BAHCC1: variants seen among roughly 807,000 people sequenced by gnomAD.
The protein encoded by BAHCC1 is BAH and coiled-coil domain-containing protein 1.
Under a neutral mutation model 88.2 loss-of-function variants are expected in BAHCC1, and 43 were observed. The observed-to-expected ratio is 0.49, with a 90% CI of 0.38 to 0.63. The LOEUF is 0.63. Ranked by LOEUF, BAHCC1 falls within the 20% of genes least tolerant of loss-of-function variation. The probability of loss-of-function intolerance (pLI) is 0.00; values close to 1 mark genes in which losing one functional copy is unlikely to be tolerated. For synonymous variants in BAHCC1, 1,510 were observed against 745.5 expected, an observed-to-expected ratio of 2.03 and a Z score of -16.71; for missense variants, 3,023 against 1,654.8, an observed-to-expected ratio of 1.83 and a Z score of -14.34.
intron 16 of BAHCC1, among the ~76,000 whole-genome samples, chr17:81,457,179 G>C (rs1437925040): frequency 6.6e-6 from 1 of 152,132 alleles, no homozygotes; most frequent in Admixed American, 6.5e-5. Flanking sequence ...CTATTGCCCA[G>C]GGTATAAGAA....
At chr17:81,403,771 A>G (rs1192354900) in intron 2 of BAHCC1, among the ~76,000 whole-genome samples, 1 of 152,234 alleles carries the variant, frequency 6.6e-6, no homozygotes, top group Non-Finnish European at 1.5e-5. Context: ...ACAGAGTTAG[A>G]CATCAAAGTT....
chr17:81,431,974 C>A (rs1293229437), intron 3 of BAHCC1, among the ~76,000 whole-genome samples: 3 of 152,196 alleles, frequency 2.0e-5, no homozygotes, highest in African/African-American at 7.2e-5. Flanking sequence ...GTGGCAGATG[C>A]GGCATGGGCC....
chr17:81,399,946 A>C lies in BAHCC1; in HGVS notation c.178+29A>C, dbSNP rs2063792974. ...AGTGCTCGGCCGGGGCGGGCGCGGG[A>C]CGGGAGCGTTCGAGAGCGGAACAGG... On this transcript the variant is annotated intron_variant, in intron 2 of 27. Coordinates refer to ENST00000675386, the MANE Select transcript of BAHCC1 (RefSeq NM_001377448.1). This position sits in a 1 kb window ranked among gnomAD's most constrained non-coding sequence, Gnocchi z 4.5. 1 of 1,296,544 alleles carries C rather than the reference A, an allele frequency of 7.7e-7. No individual in the cohort carries two copies. Among genetic ancestry groups the C allele is most frequent in the Non-Finnish European group, 9.9e-7 (1 of 1,011,900 alleles). The allele number at this position is 1,296,544 out of a possible 1,614,324, so 80.3% of individuals were successfully genotyped here.
chr17:81,465,654 C>T lies in BAHCC1; in HGVS notation c.*1837C>T, dbSNP rs914187965. On this transcript the variant is annotated 3_prime_UTR_variant, in exon 28 of 28. Transcript: ENST00000675386. ...GCTGGTGGGTGCCCTGTACCCCAATCCCAGGTCCCCTTGGCCCCCTATTTT... is the reference window on the plus strand; with the variant it reads ...GCTGGTGGGTGCCCTGTACCCCAATTCCAGGTCCCCTTGGCCCCCTATTTT... The T allele has an allele frequency of 2.6e-5, 4 of 152,318 alleles. No individual in the cohort carries two copies. The highest frequency in any genetic ancestry group is 6.5e-5 in the Admixed American group (1 of 15,294). 9.4% of individuals were successfully genotyped at this position (152,318 alleles called of 1,614,324 possible). A position where few individuals can be genotyped will look rare whatever the true frequency, so the allele number is the denominator to read the frequency against.
rs782010573 is a variant in BAHCC1, at chr17:81,463,649, C to T, written c.7659C>T (p.Asp2553=). 4 of 779,694 alleles carry T rather than the reference C, an allele frequency of 5.1e-6. No individual in the cohort carries two copies. Among genetic ancestry groups the T allele is most frequent in the East Asian group, 2.4e-5 (1 of 41,256 alleles). The allele number at this position is 779,694 out of a possible 1,614,324, so 48.3% of individuals were successfully genotyped here. The change falls in exon 28 of 28, where the codon GAC becomes GAT. Residue 2553 remains aspartate (D), a synonymous_variant. Transcript: ENST00000675386. ...AGTCCTGCCACGAGGATGAGAACGACGTGCAGACCATCTCCCACAAGTGCC... is the reference window on the plus strand; with the variant it reads ...AGTCCTGCCACGAGGATGAGAACGATGTGCAGACCATCTCCCACAAGTGCC... The part of the protein sequence containing the change: ...LYQSCHEDEN[D]VQTISHKCQV...
At position 81,399,931 on chromosome 17, in the gene BAHCC1, C is replaced by CGGGGCG; in HGVS notation, c.178+17_178+22dup. On this transcript the variant is annotated intron_variant, in intron 2 of 27. Transcript: ENST00000675386. The surrounding 1 kb of genome is among the most constrained non-coding windows in gnomAD (Gnocchi z 4.5). ...CTTCGCACACAGGTCAGTGCTCGGC[C>CGGGGCG]GGGGCGGGCGCGGGACGGGAGCGTT... 2.2e-6 allele frequency: 3 copies of CGGGGCG among 1,353,232 alleles called. No homozygotes were observed. Among genetic ancestry groups the CGGGGCG allele is most frequent in the Non-Finnish European group, 2.9e-6 (3 of 1,050,474 alleles). The allele number at this position is 1,353,232 out of a possible 1,614,324, so 83.8% of individuals were successfully genotyped here.
chr17:81,459,342 C>T lies in BAHCC1; in HGVS notation c.5796+14C>T, dbSNP rs199926462. The T allele has an allele frequency of 1.1e-3, 854 of 775,020 alleles. 8 individuals are homozygous for T. In the African/African-American group the frequency reaches 0.012, roughly 11 times the overall value. The allele number at this position is 775,020 out of a possible 1,614,324, so 48.0% of individuals were successfully genotyped here. ...CTGCAGGAAGCGGTGAGGACCGGGC[C>T]GGCCCGCCCCGGGGAGGGGCCTGGC... On this transcript the variant is annotated intron_variant, in intron 22 of 27. Coordinates refer to ENST00000675386, the MANE Select transcript of BAHCC1 (RefSeq NM_001377448.1).
At chr17:81,402,360 A>G (rs1166841854) in intron 2 of BAHCC1, 1 of 152,210 alleles carries the variant, frequency 6.6e-6, no homozygotes, top group Non-Finnish European at 1.5e-5. Context: ...ATTTAGCTGC[A>G]TGTATTTTTT....
At chr17:81,418,562 T>A (rs1322250142) in intron 2 of BAHCC1, among the ~76,000 whole-genome samples, 1 of 152,122 alleles carries the variant, frequency 6.6e-6, no homozygotes, top group Non-Finnish European at 1.5e-5. Context: ...GGGCAGCTGT[T>A]CATCCCGGTG....
At position 81,442,513 on chromosome 17, in the gene BAHCC1, G is replaced by T; in HGVS notation, c.1164G>T (p.Lys388Asn). The change falls in exon 5 of 28, where the codon AAG (lysine) becomes AAT (asparagine). Residue 388 changes from lysine to asparagine, a missense_variant. By Grantham distance (94) the Lys-to-Asn change is moderately conservative. Coordinates refer to ENST00000675386, the MANE Select transcript of BAHCC1 (RefSeq NM_001377448.1). Reference sequence around the variant, plus strand: ...AGGACAAAGCCCCCCGGGACCTAAAGGCCAGCGGGCCCACCTTCGTGCCTT... The same window carrying T: ...AGGACAAAGCCCCCCGGGACCTAAATGCCAGCGGGCCCACCTTCGTGCCTT... The part of the protein sequence containing the change: ...PLQDKAPRDL[K>N]ASGPTFVPSV... The T allele has an allele frequency of 1.4e-6, 1 of 721,972 alleles. No homozygotes were observed. Among genetic ancestry groups the T allele is most frequent in the East Asian group, 2.5e-5 (1 of 39,736 alleles). The allele number at this position is 721,972 out of a possible 1,614,324, so 44.7% of individuals were successfully genotyped here. A position where few individuals can be genotyped will look rare whatever the true frequency, so the allele number is the denominator to read the frequency against.
chr17:81,464,155 C>G lies in BAHCC1; in HGVS notation c.*338C>G. 2.5e-6 allele frequency: 1 copy of G among 392,496 alleles called. No homozygotes were observed. Among genetic ancestry groups the G allele is most frequent in the Non-Finnish European group, 4.7e-6 (1 of 212,790 alleles). The allele number at this position is 392,496 out of a possible 1,614,324, so 24.3% of individuals were successfully genotyped here. On this transcript the variant is annotated 3_prime_UTR_variant, in exon 28 of 28. Coordinates refer to ENST00000675386, the MANE Select transcript of BAHCC1 (RefSeq NM_001377448.1). ...CATATTCCCTAGTACCTCCGACTGT[C>G]TCCCACCAGGGAAAGCAGAAATCAG...
At chr17:81,407,019 C>A (rs533871670) in intron 2 of BAHCC1, 189 of 455,562 alleles carry the variant, frequency 4.1e-4, no homozygotes, top group South Asian at 2.3e-3. Context: ...CCCTTCTCTC[C>A]CCTAGGATCC....
chr17:81,444,110 C>A (rs2064476700), intron 6 of BAHCC1, 193 bp downstream of exon 6: 2 of 604,630 alleles, frequency 3.3e-6, no homozygotes, highest in African/African-American at 1.9e-5. Context: ...CAGTTAACCC[C>A]TTGCAGCGGT....
chr17:81,419,492 TGTG>T, intron 2 of BAHCC1, among the ~76,000 whole-genome samples: 1 of 152,092 alleles, frequency 6.6e-6, no homozygotes, highest in African/African-American at 2.4e-5. Context: ...TCGTGGGAAG[TGTG>T]CTTGGGACCG....
chr17:81,432,450 G>A (rs1444725449), intron 3 of BAHCC1, among the ~76,000 whole-genome samples: 8 of 152,094 alleles, frequency 5.3e-5, no homozygotes, highest in Middle Eastern at 3.4e-3. Context: ...TTTGGGGGTC[G>A]TGTGGTTGCT....
In BAHCC1 at chr17:81,458,310, G is replaced by T. The variant is rs561265856; in HGVS notation, c.5187G>T (p.Lys1729Asn). Residue 1729 changes from lysine to asparagine, a missense_variant, in exon 18 of 28, where the codon AAG becomes AAT. Transcript: ENST00000675386. ...AGAAGAAAGCCAAGGGCAAGGCCAA[G>T]GGCAGCCTGCGGGCAGAGCCGGGGG... Reference protein sequence around the residue: ...LGKKKAKGKAKGSLRAEPGAT... With the variant: ...LGKKKAKGKANGSLRAEPGAT... The T allele has an allele frequency of 2.7e-6, 2 of 750,510 alleles. No individual in the cohort carries two copies. The highest frequency in any genetic ancestry group is 2.5e-5 in the East Asian group (1 of 39,788). The allele number at this position is 750,510 out of a possible 1,614,324, so 46.5% of individuals were successfully genotyped here.
At chr17:81,419,451 CCGTCCTG>C (rs1418228952) in intron 2 of BAHCC1, among the ~76,000 whole-genome samples, 2 of 152,266 alleles carry the variant, frequency 1.3e-5, no homozygotes, top group Admixed American at 6.5e-5. Context: ...GCCTCCCCTC[CCGTCCTG>C]CACAGCTCCC....
At position 81,435,957 on chromosome 17, in the gene BAHCC1, T is replaced by C. The variant is rs2064329895; in HGVS notation, c.359-2413T>C. On this transcript the variant is annotated intron_variant, in intron 3 of 27. Transcript: ENST00000675386. This position sits in a 1 kb window ranked among gnomAD's most constrained non-coding sequence, Gnocchi z 4.4. ...ATTTTCTTTCTCAGTTTTGAGAGTA[T>C]GGTCTTATTGGGAAAAAGAAAGGGG... Among the ~76,000 whole-genome samples, 1 of 152,208 alleles carries C rather than the reference T, an allele frequency of 6.6e-6. No individual in the cohort carries two copies. Among genetic ancestry groups the C allele is most frequent in the Non-Finnish European group, 1.5e-5 (1 of 68,034 alleles).
rs782421960 is a variant in BAHCC1 at position 81,452,052 on chromosome 17, C to T, written c.4261C>T (p.Arg1421Cys). 17 of 626,506 alleles carry T rather than the reference C, an allele frequency of 2.7e-5. No homozygotes were observed. The highest frequency in any genetic ancestry group is 3.7e-5 in the Non-Finnish European group (13 of 356,128). The allele number at this position is 626,506 out of a possible 1,614,324, so 38.8% of individuals were successfully genotyped here. The change falls in exon 13 of 28, where the codon CGC becomes TGC. Residue 1421 changes from arginine to cysteine, a missense_variant. Physicochemically the swap from Arg to Cys is radical, Grantham distance 180. Coordinates refer to ENST00000675386, the MANE Select transcript of BAHCC1 (RefSeq NM_001377448.1). ...CGTGCGGCTGGCGGAGCTGCAGCGG[C>T]GCTACAAGGAGAAGCAGCGGGAGCT... ...MRVRLAELQR[R>C]YKEKQRELAR...
Sources: allele counts gnomAD v4.1 joint callset (sites outside exome capture counted in the v4.1 genomes callset), GRCh38; gene constraint gnomAD v4.1.1; non-coding constraint Gnocchi (gnomAD v3.1); transcripts MANE v1.5; gene names NCBI Gene and HGNC (gene_info 2026-07-23, HGNC 2026-07-21).